Variants in IL1RAPL1 observed in about 807,000 individuals in gnomAD.
IL1RAPL1 encodes the protein interleukin 1 receptor accessory protein like 1.
Under a neutral mutation model 48.4 loss-of-function variants are expected in IL1RAPL1, and 3 were observed. That is an observed-to-expected ratio of 0.06 (90% CI 0.03 to 0.16). The LOEUF is 0.16. Among genes scored for constraint, IL1RAPL1 ranks in the 10% least tolerant of loss-of-function variants. The probability of loss-of-function intolerance (pLI) is 1.00; values close to 1 mark genes in which losing one functional copy is unlikely to be tolerated. For missense variants in IL1RAPL1, 349 were observed against 530.6 expected, an observed-to-expected ratio of 0.66 and a Z score of 3.36; for synonymous variants, 185 against 187.7, an observed-to-expected ratio of 0.99 and a Z score of 0.12.
chrX:29,145,219 C>T (rs1433138783), intron 2 of IL1RAPL1, among the ~76,000 whole-genome samples: 1 of 111,686 alleles, frequency 9.0e-6, no homozygotes, highest in Non-Finnish European at 1.9e-5. Context: ...AGACTATGCA[C>T]AGCCATTTTA....
At chrX:28,751,042 G>A (rs772670996) in intron 1 of IL1RAPL1, among the ~76,000 whole-genome samples, 14 of 111,722 alleles carry the variant, frequency 1.3e-4, no homozygotes, top group African/African-American at 1.9e-4. Context: ...TCTGTATTAC[G>A]TTATATAATA....
chrX:29,174,679 A>C (rs1329100546), intron 2 of IL1RAPL1, among the ~76,000 whole-genome samples: 1 of 110,951 alleles, frequency 9.0e-6, no homozygotes, highest in Non-Finnish European at 1.9e-5. Flanking sequence ...CAGAAAAAAA[A>C]CTCTCATTAA....
At chrX:29,502,931 T>C (rs5972273) in intron 5 of IL1RAPL1, among the ~76,000 whole-genome samples, 49,458 of 110,118 alleles carry the variant, frequency 0.45, 8,175 homozygotes, top group East Asian at 0.7. Context: ...CATTGGGTCC[T>C]GGGCTATTCC....
intron 5 of IL1RAPL1, among the ~76,000 whole-genome samples, chrX:29,628,501 G>A (rs1924678143): frequency 9.0e-6 from 1 of 111,582 alleles, no homozygotes; most frequent in African/African-American, 3.3e-5. Flanking sequence ...GCCAATGTTA[G>A]GTATGTGAGG....
intron 6 of IL1RAPL1, among the ~76,000 whole-genome samples, chrX:29,751,989 G>GTATATATATATCA (rs1299699663): frequency 1.0e-5 from 1 of 99,406 alleles, no homozygotes; most frequent in Admixed American, 1.1e-4. Context: ...ATATGTGTGT[G>GTATATATATATCA]TATATATATA....
chrX:29,707,278 T>TA lies in IL1RAPL1; in HGVS notation c.778+38784dup, dbSNP rs750386089. Among the ~76,000 whole-genome samples the TA allele has an allele frequency of 4.3e-4, 46 of 106,182 alleles. 1 individual carries two copies. In the South Asian group the frequency reaches 5.2e-3, roughly 12 times the overall value. The allele number at this position is 106,182 out of a possible 115,157, so 92.2% of individuals were successfully genotyped here. On this transcript the variant is annotated intron_variant, in intron 6 of 10. Coordinates refer to ENST00000378993, the MANE Select transcript of IL1RAPL1 (RefSeq NM_014271.4). ...GCAGGAATGTTCATAAACAAAAAAATAAAAAAAAAATAGTTGTTGGCATTG... is the reference window on the plus strand; with the variant it reads ...GCAGGAATGTTCATAAACAAAAAAATAAAAAAAAAAATAGTTGTTGGCATTG...
intron 3 of IL1RAPL1, among the ~76,000 whole-genome samples, chrX:29,323,732 T>C (rs1932822608): frequency 1.6e-4 from 1 of 6,264 alleles, no homozygotes; most frequent in Non-Finnish European, 2.6e-4. Flanking sequence ...TATATATATA[T>C]ATATATATAT....
At chrX:28,608,064 A>G (rs1210447424) in intron 1 of IL1RAPL1, among the ~76,000 whole-genome samples, 1 of 111,766 alleles carries the variant, frequency 8.9e-6, no homozygotes, top group Non-Finnish European at 1.9e-5. Context: ...CAAGTGTAAG[A>G]TGCTATGAAC....
intron 6 of IL1RAPL1, among the ~76,000 whole-genome samples, chrX:29,841,433 T>TA (rs756734457): frequency 2.7e-5 from 3 of 111,580 alleles, no homozygotes; most frequent in Non-Finnish European, 3.8e-5. Context: ...ATCTTCATTT[T>TA]AAAAAAGCTG....
intron 2 of IL1RAPL1, among the ~76,000 whole-genome samples, chrX:29,044,522 CTGTT>C (rs1365709101): frequency 9.0e-6 from 1 of 110,977 alleles, no homozygotes; most frequent in East Asian, 2.8e-4. Flanking sequence ...TCTCATTGCT[CTGTT>C]TTTTTTAATC....
At chrX:28,865,166 A>G (rs1458294690) in intron 2 of IL1RAPL1, among the ~76,000 whole-genome samples, 2 of 112,077 alleles carry the variant, frequency 1.8e-5, no homozygotes, top group Non-Finnish European at 3.8e-5. Flanking sequence ...GGCCAGATGC[A>G]GTGGCTCATG....
rs751336529 is a variant in IL1RAPL1 at position 29,400,299 on chromosome X, T to G, written c.703+991T>G. ...TGTTGATAAAATTTGCTGTTCTTAT[T>G]TCATAGGGTTTTTGCAAGGATCAAA... On this transcript the variant is annotated intron_variant, in intron 5 of 10. Transcript: ENST00000378993. Among the ~76,000 whole-genome samples, 10 of 112,375 alleles carry G rather than the reference T, an allele frequency of 8.9e-5. No homozygotes were observed. The Admixed American group carries it at 9.4e-4, about 11-fold the overall frequency.
intron 6 of IL1RAPL1, among the ~76,000 whole-genome samples, chrX:29,710,912 G>T (rs1927325308): frequency 9.4e-6 from 1 of 106,792 alleles, no homozygotes; most frequent in South Asian, 4.1e-4. Flanking sequence ...TGAATCTTCG[G>T]ATCTGTTTAT....
At chrX:29,952,586 T>A (rs1933340804) in intron 9 of IL1RAPL1, among the ~76,000 whole-genome samples, 1 of 112,524 alleles carries the variant, frequency 8.9e-6, no homozygotes, top group Non-Finnish European at 1.9e-5. Context: ...ATTGTGTGCT[T>A]TCATGATTTC....
intron 1 of IL1RAPL1, among the ~76,000 whole-genome samples, chrX:28,768,747 CTCTCTCTCTATATATA>C (rs1331526370): frequency 8.5e-5 from 6 of 70,914 alleles, no homozygotes; most frequent in African/African-American, 3.4e-4. Context: ...CTCTCTCTCT[CTCTCTCTCTATATATA>C]TATATATATA....
intron 6 of IL1RAPL1, among the ~76,000 whole-genome samples, chrX:29,855,673 G>A (rs1003814992): frequency 1.8e-5 from 2 of 110,509 alleles, no homozygotes; most frequent in Admixed American, 1.9e-4. Flanking sequence ...AGGTAGGGTA[G>A]GAGTTGACTT....
intron 2 of IL1RAPL1, among the ~76,000 whole-genome samples, chrX:29,013,432 G>A (rs1258237075): frequency 3.6e-5 from 4 of 111,523 alleles, no homozygotes; most frequent in Admixed American, 1.9e-4. Flanking sequence ...TCATTGCAGC[G>A]CTATTCACCA....
At chrX:29,309,749 T>G (rs1224086094) in intron 3 of IL1RAPL1, among the ~76,000 whole-genome samples, 1 of 97,486 alleles carries the variant, frequency 1.0e-5, no homozygotes, top group South Asian at 4.8e-4. Context: ...GGGGCGGAGG[T>G]TGCAATGAGC....
Position 29,542,673 on chromosome X carries a change from T to C in IL1RAPL1, c.704-125757T>C, listed in dbSNP as rs774949731. Among the ~76,000 whole-genome samples, 66 of 112,090 alleles carry C rather than the reference T, an allele frequency of 5.9e-4. No homozygotes were observed. The Middle Eastern group carries it at 0.018, about 31-fold the overall frequency. On this transcript the variant is annotated intron_variant, in intron 5 of 10. Coordinates refer to ENST00000378993, the MANE Select transcript of IL1RAPL1 (RefSeq NM_014271.4). ...CTCCACAACTGAAAAGTAAATTCCC[T>C]GTGTGCAGTAACATGCCCTAATCTT...
Sources: gnomAD v4.1 joint callset for allele counts (sites outside exome capture counted in the v4.1 genomes callset) on GRCh38, gnomAD v4.1.1 for gene constraint, MANE v1.5 for transcripts, NCBI Gene and HGNC (gene_info 2026-07-23, HGNC 2026-07-21) for gene names.